Variants in SLC35E4 observed in about 807,000 individuals in gnomAD.
SLC35E4 encodes the protein solute carrier family 35, member E4.
A neutral mutation model predicts 19.3 loss-of-function variants in SLC35E4; 15 were observed. The observed-to-expected ratio is 0.78, with a 90% CI of 0.52 to 1.20. SLC35E4 has a LOEUF of 1.20. SLC35E4 is among the 50% of genes most tolerant of loss of function. The probability of loss-of-function intolerance (pLI) is 0.00; values close to 1 mark genes in which losing one functional copy is unlikely to be tolerated. For synonymous variants in SLC35E4, 219 were observed against 219.9 expected, an observed-to-expected ratio of 1.00 and a Z score of 0.04; for missense variants, 406 against 472.3, an observed-to-expected ratio of 0.86 and a Z score of 1.30.
Position 30,646,881 on chromosome 22 carries a change from G to A in SLC35E4, c.903G>A (p.Leu301=), listed in dbSNP as rs896462754. The part of the protein sequence containing the change: ...TVVGNLILSR[L]LFGSRLSALS... ...TGGGCAACCTCATCCTGTCCCGGCT[G>A]TTGTTTGGCAGCCGCCTCAGTGCCC... The change falls in exon 2 of 2, where the codon CTG becomes CTA. Residue 301 remains leucine (L), a synonymous_variant. Coordinates refer to ENST00000343605, the MANE Select transcript of SLC35E4 (RefSeq NM_001001479.4). 1.7e-5 allele frequency: 28 copies of A among 1,614,118 alleles called. No homozygotes were observed. Among genetic ancestry groups the A allele is most frequent in the Non-Finnish European group, 2.3e-5 (27 of 1,180,042 alleles).
chr22:30,647,921 A>G (rs1374574833), downstream of SLC35E4: 1 of 152,104 alleles, frequency 6.6e-6, no homozygotes, highest in Non-Finnish European at 1.5e-5. Flanking sequence ...GGTTGTACAG[A>G]GGGGATATAG....
In SLC35E4 at chr22:30,636,622, C is replaced by T. The variant is rs199994696; in HGVS notation, c.172C>T (p.Leu58=). The change falls in exon 1 of 2, where the codon CTG becomes TTG. Residue 58 remains leucine, a synonymous_variant. Coordinates refer to ENST00000343605, the MANE Select transcript of SLC35E4 (RefSeq NM_001001479.4). ...RVAMAALVWL[L]AGASMSSLNK... is the part of the protein sequence containing the mutation. Reference sequence around the variant, plus strand: ...GGCCATGGCAGCACTGGTGTGGCTGCTGGCGGGAGCCAGCATGTCAAGCCT... The same window carrying T: ...GGCCATGGCAGCACTGGTGTGGCTGTTGGCGGGAGCCAGCATGTCAAGCCT... 6.2e-7 allele frequency: 1 copy of T among 1,606,278 alleles called. No individual in the cohort carries two copies. The highest frequency in any genetic ancestry group is 8.5e-7 in the Non-Finnish European group (1 of 1,177,340).
intron 1 of SLC35E4, among the ~76,000 whole-genome samples, chr22:30,639,041 T>C (rs755913549): frequency 6.6e-6 from 1 of 152,214 alleles, no homozygotes. Context: ...CTGAGGTGTA[T>C]TGGGGGAAAT....
chr22:30,656,440 G>A (rs1271819419), intron 2 of SLC35E4, among the ~76,000 whole-genome samples: 1 of 152,078 alleles, frequency 6.6e-6, no homozygotes, highest in East Asian at 1.9e-4. Context: ...TATCTGACAG[G>A]GCATTATAAA....
intron 2 of SLC35E4, among the ~76,000 whole-genome samples, chr22:30,655,476 T>C (rs1453718447): frequency 6.7e-6 from 1 of 149,752 alleles, no homozygotes; most frequent in Non-Finnish European, 1.5e-5. Flanking sequence ...GCCACTAGCC[T>C]GGCATTGCAT....
At chr22:30,644,877 C>T (rs2088102564) in intron 1 of SLC35E4, among the ~76,000 whole-genome samples, 1 of 152,162 alleles carries the variant, frequency 6.6e-6, no homozygotes, top group Admixed American at 6.5e-5. Flanking sequence ...CACAGATACA[C>T]AGTCACACAT....
intron 1 of SLC35E4, among the ~76,000 whole-genome samples, 189 bp downstream of exon 1, chr22:30,637,258 G>A (rs762962184): frequency 2.3e-4 from 35 of 152,284 alleles, no homozygotes; most frequent in South Asian, 6.2e-4. Flanking sequence ...CCAGACTCAG[G>A]CTCTGGAGGC....
chr22:30,640,177 A>G (rs374128848), intron 1 of SLC35E4, among the ~76,000 whole-genome samples: 230 of 152,252 alleles, frequency 1.5e-3, no homozygotes, highest in African/African-American at 5.0e-3. Context: ...GATCAAGACC[A>G]TCCTGGCCAA....
At chr22:30,643,029 CA>C (rs67770321) in intron 1 of SLC35E4, among the ~76,000 whole-genome samples, 12,344 of 81,318 alleles carry the variant, frequency 0.15, 553 homozygotes, top group Middle Eastern at 0.21. Flanking sequence ...GACTCCGTCT[CA>C]AAAAAAAAAA....
chr22:30,666,305 G>A (rs1602112251), downstream of SLC35E4, among the ~76,000 whole-genome samples: 5 of 152,174 alleles, frequency 3.3e-5, no homozygotes, highest in Admixed American at 3.3e-4. Context: ...GATGCGAGGA[G>A]TCATTTTCAT....
At position 30,636,188 on chromosome 22, in the gene SLC35E4, C is replaced by A; in HGVS notation, c.-263C>A. On this transcript the variant is annotated 5_prime_UTR_variant, in exon 1 of 2. Coordinates refer to ENST00000343605, the MANE Select transcript of SLC35E4 (RefSeq NM_001001479.4). ...GACCACCTGGCACGGGGCAGAGGTGCCTGGAGCCCACGCTTGAGCATCGGA... is the reference window on the plus strand; with the variant it reads ...GACCACCTGGCACGGGGCAGAGGTGACTGGAGCCCACGCTTGAGCATCGGA... The A allele has an allele frequency of 2.1e-6, 1 of 482,818 alleles. No homozygotes were observed. Among genetic ancestry groups the A allele is most frequent in the Non-Finnish European group, 3.6e-6 (1 of 273,974 alleles). The allele number at this position is 482,818 out of a possible 1,614,324, so 29.9% of individuals were successfully genotyped here. A position where few individuals can be genotyped will look rare whatever the true frequency, so the allele number is the denominator to read the frequency against.
downstream of SLC35E4, chr22:30,652,412 T>C (rs910031268): frequency 8.1e-4 from 124 of 152,288 alleles, 1 homozygote; most frequent in African/African-American, 2.9e-3. Flanking sequence ...CTAATGTTAG[T>C]CCTATATAGG....
At chr22:30,656,537 T>G (rs749064042) in intron 2 of SLC35E4, among the ~76,000 whole-genome samples, 6 of 152,210 alleles carry the variant, frequency 3.9e-5, no homozygotes, top group African/African-American at 7.2e-5. Flanking sequence ...TAAAGGTTCA[T>G]GTAATCAAAA....
chr22:30,657,821 G>A (rs1050267177), intron 2 of SLC35E4, among the ~76,000 whole-genome samples: 10 of 150,492 alleles, frequency 6.6e-5, no homozygotes, highest in Non-Finnish European at 1.3e-4. Context: ...GGAGAATGAC[G>A]TGAACTCGGG....
At chr22:30,646,502 G>A (rs2088131461) in intron 1 of SLC35E4, 96 bp from the exon 2 acceptor site, 7 of 1,418,986 alleles carry the variant, frequency 4.9e-6, no homozygotes, top group Non-Finnish European at 6.7e-6. Context: ...GAGGGGTCCG[G>A]GTAGGCTTCT....
At chr22:30,643,143 A>G (rs1384327942) in intron 1 of SLC35E4, among the ~76,000 whole-genome samples, 1 of 151,832 alleles carries the variant, frequency 6.6e-6, no homozygotes, top group South Asian at 2.1e-4. Context: ...CTGCACAAGG[A>G]GAGGGGTTAT....
intron 2 of SLC35E4, among the ~76,000 whole-genome samples, chr22:30,660,235 C>T (rs2088429943): frequency 6.6e-6 from 1 of 152,176 alleles, no homozygotes; most frequent in Admixed American, 6.5e-5. Context: ...TTTTAAGCCA[C>T]TAAGTTTGTG....
downstream of SLC35E4, chr22:30,667,013 C>T (rs1292192989): frequency 6.6e-6 from 1 of 152,008 alleles, no homozygotes; most frequent in Non-Finnish European, 1.5e-5. Context: ...CTGAAGAAAT[C>T]ACAAAAGATC....
downstream of SLC35E4, chr22:30,665,359 T>C (rs753263884): frequency 1.7e-5 from 5 of 288,290 alleles, no homozygotes; most frequent in Middle Eastern, 1.3e-3. Context: ...CAGCCTCTTA[T>C]TAGGCTTCTC....
Sources: allele counts gnomAD v4.1 joint callset (sites outside exome capture counted in the v4.1 genomes callset), GRCh38; gene constraint gnomAD v4.1.1; transcripts MANE v1.5; gene names NCBI Gene and HGNC (gene_info 2026-07-23, HGNC 2026-07-21).